SLC48A1: variants seen among roughly 807,000 people sequenced by gnomAD.
SLC48A1 encodes the protein heme transporter HRG1.
In SLC48A1, 6 loss-of-function variants were observed where a neutral mutation model predicts 14.8. The ratio of observed to expected loss-of-function variants is 0.41; its 90% CI spans 0.22 to 0.80. The LOEUF is 0.80. Among genes scored for constraint, SLC48A1 ranks in the 30% least tolerant of loss-of-function variants. The pLI is 0.34. For synonymous variants in SLC48A1, 89 were observed against 90.0 expected (o/e 0.99, Z 0.06); for missense variants, 165 against 204.8 (o/e 0.81, Z 1.19).
chr12:47,763,465 C>T (rs750526440), intron 2 of SLC48A1, among the ~76,000 whole-genome samples: 43 of 152,136 alleles, frequency 2.8e-4, no homozygotes, highest in Non-Finnish European at 1.6e-4. Context: ...CCCTAGGAGT[C>T]GACCTTGCCT....
At chr12:47,768,193 C>T (rs750058017), upstream of SLC48A1, among the ~76,000 whole-genome samples, 13 of 152,078 alleles carry the variant, frequency 8.5e-5, no homozygotes, top group Admixed American at 3.3e-4. Context: ...GCCAGGCTGG[C>T]CTCGAACTCC....
upstream of SLC48A1, chr12:47,769,605 C>G (rs1431387238): frequency 6.6e-6 from 1 of 152,246 alleles, no homozygotes; most frequent in Non-Finnish European, 1.5e-5. Context: ...TGGCGTATGT[C>G]ATGCAATCCC....
intron 1 of SLC48A1, chr12:47,758,933 C>T (rs1026421355): frequency 2.9e-6 from 3 of 1,036,370 alleles, no homozygotes; most frequent in East Asian, 1.6e-4. Flanking sequence ...CGCCCCCTTC[C>T]CCTCCCCAGG....
rs1942874853 is a variant in SLC48A1, at chr12:47,781,439, C to T, written c.*1158C>T. The T allele has an allele frequency of 6.5e-6, 1 of 154,024 alleles. No individual in the cohort carries two copies. 9.5% of individuals were successfully genotyped at this position (154,024 alleles called of 1,614,324 possible). Reference sequence around the variant, plus strand: ...CTCACTGCCCTTCAACTAGAGCTTTCACCTTTTTACATTTCCCTTCTGAAG... The same window carrying T: ...CTCACTGCCCTTCAACTAGAGCTTTTACCTTTTTACATTTCCCTTCTGAAG... On this transcript the variant is annotated 3_prime_UTR_variant, in exon 3 of 3. Coordinates refer to ENST00000442218, the MANE Select transcript of SLC48A1 (RefSeq NM_017842.3).
rs747650670 is a variant in SLC48A1, at chr12:47,780,226, A to G, written c.386A>G (p.Tyr129Cys). 5 of 1,614,148 alleles carry G rather than the reference A, an allele frequency of 3.1e-6. No individual in the cohort carries two copies. The South Asian group carries it at 3.3e-5, about 11-fold the overall frequency. Residue 129 changes from tyrosine (Y) to cysteine (C), a missense_variant, in exon 3 of 3, where the codon TAT becomes TGT. By Grantham distance (194) the Tyr-to-Cys change is radical. Transcript: ENST00000442218. ...SFKWAFLLSL[Y>C]AHRYRADFAD... ...AAGTGGGCCTTCCTGCTCAGCCTCT[A>G]TGCCCACCGCTACCGGGCTGACTTT...
At position 47,780,158 on chromosome 12, in the gene SLC48A1, C is replaced by T; in HGVS notation, c.318C>T (p.Pro106=). ...AITRHQSLTD[P]TSYYLSSVWS... Reference sequence around the variant, plus strand: ...CTCTCCCTGCAGGCCTCACAGACCCCACCAGCTACTACCTCTCCAGCGTCT... The same window carrying T: ...CTCTCCCTGCAGGCCTCACAGACCCTACCAGCTACTACCTCTCCAGCGTCT... Residue 106 remains proline, a synonymous_variant, in exon 3 of 3, where the codon CCC becomes CCT. Transcript: ENST00000442218. 1 of 1,604,696 alleles carries T rather than the reference C, an allele frequency of 6.2e-7. No homozygotes were observed. The highest frequency in any genetic ancestry group is 8.5e-7 in the Non-Finnish European group (1 of 1,174,602).
chr12:47,755,582 T>A (rs1942008293), upstream of SLC48A1: 1 of 152,222 alleles, frequency 6.6e-6, no homozygotes, highest in Non-Finnish European at 1.5e-5. Context: ...TTTCCAAAGA[T>A]GTTCTTCCAT....
upstream of SLC48A1, among the ~76,000 whole-genome samples, chr12:47,769,965 G>A (rs1942596172): frequency 6.6e-6 from 1 of 152,058 alleles, no homozygotes; most frequent in African/African-American, 2.4e-5. Context: ...GTATTCAATA[G>A]CCACCTGTGA....
intron 2 of SLC48A1, among the ~76,000 whole-genome samples, chr12:47,765,248 G>A (rs1282278753): frequency 2.6e-5 from 4 of 152,018 alleles, no homozygotes; most frequent in African/African-American, 9.7e-5. Context: ...GAAAAGTGGG[G>A]AAGGAAACAG....
At chr12:47,770,123 T>G (rs1942599077), upstream of SLC48A1, among the ~76,000 whole-genome samples, 1 of 152,266 alleles carries the variant, frequency 6.6e-6, no homozygotes, top group East Asian at 1.9e-4. Context: ...CTGAGTCTAA[T>G]GCTCTGCAAT....
intron 2 of SLC48A1, among the ~76,000 whole-genome samples, chr12:47,765,492 G>A (rs996224317): frequency 2.0e-5 from 3 of 152,220 alleles, no homozygotes; most frequent in Admixed American, 6.5e-5. Context: ...GGGCTGGACC[G>A]AATCCTGACT....
exon 2 of SLC48A1, chr12:47,760,249 G>A: frequency 1.0e-6 from 1 of 985,474 alleles, no homozygotes; most frequent in Non-Finnish European, 1.2e-6. Flanking sequence ...AAGAAACGCT[G>A]GTGGAGTTTT....
chr12:47,759,694 G>C (rs970710694), intron 1 of SLC48A1, among the ~76,000 whole-genome samples: 31 of 152,344 alleles, frequency 2.0e-4, no homozygotes, highest in African/African-American at 7.2e-4. Flanking sequence ...AAATGGCCCA[G>C]CGCGGGCCTC....
In SLC48A1 at chr12:47,780,187, G is replaced by C. The variant is rs1003843612; in HGVS notation, c.347G>C (p.Ser116Thr). Residue 116 changes from serine (S) to threonine (T), a missense_variant, in exon 3 of 3, where the codon AGC (serine) becomes ACC (threonine). Transcript: ENST00000442218. ...PTSYYLSSVW[S>T]FISFKWAFLL... ...AGCTACTACCTCTCCAGCGTCTGGA[G>C]CTTCATTTCCTTCAAGTGGGCCTTC... The C allele has an allele frequency of 2.1e-5, 34 of 1,613,376 alleles. No homozygotes were observed. The highest frequency in any genetic ancestry group is 2.9e-5 in the Non-Finnish European group (34 of 1,179,680).
chr12:47,773,018 A>G (rs1366017151), upstream of SLC48A1, among the ~76,000 whole-genome samples: 2 of 152,080 alleles, frequency 1.3e-5, no homozygotes, highest in East Asian at 3.9e-4. Flanking sequence ...AGGTCCAACA[A>G]TCCGGACACG....
upstream of SLC48A1, chr12:47,770,870 G>A (rs573029930): frequency 1.8e-4 from 82 of 456,622 alleles, no homozygotes; most frequent in South Asian, 5.9e-4. Context: ...TTCCCAAAGC[G>A]GCCGCTTTAT....
upstream of SLC48A1, among the ~76,000 whole-genome samples, chr12:47,766,626 A>C (rs1365617786): frequency 1.3e-5 from 2 of 151,994 alleles, no homozygotes; most frequent in Non-Finnish European, 1.5e-5. Context: ...TGCTCTCCCC[A>C]GGCAGCTGCA....
At chr12:47,771,787 G>A (rs574816562), upstream of SLC48A1, among the ~76,000 whole-genome samples, 1 of 152,114 alleles carries the variant, frequency 6.6e-6, no homozygotes, top group East Asian at 1.9e-4. Context: ...ACAAAAATTA[G>A]CTGGGTGTGG....
intron 2 of SLC48A1, among the ~76,000 whole-genome samples, chr12:47,779,563 A>G (rs1226837016): frequency 1.3e-5 from 2 of 152,172 alleles, no homozygotes; most frequent in African/African-American, 4.8e-5. Context: ...GAGGTGGCCT[A>G]GGGTATTTGT....
Sources: gnomAD v4.1 joint callset for allele counts (sites outside exome capture counted in the v4.1 genomes callset) on GRCh38, gnomAD v4.1.1 for gene constraint, MANE v1.5 for transcripts, NCBI Gene and HGNC (gene_info 2026-07-23, HGNC 2026-07-21) for gene names.